Variants in ANKRD28 observed in about 807,000 individuals in gnomAD.
ANKRD28 encodes serine/threonine-protein phosphatase 6 regulatory ankyrin repeat subunit A.
Under a neutral mutation model 126.5 loss-of-function variants are expected in ANKRD28, and 44 were observed. The ratio of observed to expected loss-of-function variants is 0.35; its 90% CI spans 0.27 to 0.45. The LOEUF is 0.45. Ranked by LOEUF, ANKRD28 falls within the 20% of genes least tolerant of loss-of-function variation. The pLI, the probability that ANKRD28 is intolerant of heterozygous loss-of-function variation, is 1.00. For missense variants in ANKRD28, 1,110 were observed against 1,316.6 expected (o/e 0.84, Z 2.43); for synonymous variants, 442 against 468.5 (o/e 0.94, Z 0.73).
At chr3:15,674,412 A>T (rs542931315) in intron 27 of ANKRD28, among the ~76,000 whole-genome samples, 17 of 152,058 alleles carry the variant, frequency 1.1e-4, no homozygotes, top group Non-Finnish European at 2.1e-4. Context: ...TAAGAATGAG[A>T]ATTGTCTTCA....
At chr3:15,696,273 A>G in intron 14 of ANKRD28, 28 bp from the exon 15 acceptor site, 1 of 1,370,938 alleles carries the variant, frequency 7.3e-7, no homozygotes. Context: ...AACATACTGA[A>G]AATCCTAAAT....
intron 14 of ANKRD28, among the ~76,000 whole-genome samples, chr3:15,706,042 A>G (rs1035744211): frequency 1.0e-5 from 1 of 97,006 alleles, no homozygotes; most frequent in Non-Finnish European, 2.3e-5. Context: ...ACCCACAAAA[A>G]CAAACAAAAA....
In ANKRD28 at chr3:15,678,102, C is replaced by A. The variant is rs1355311030; in HGVS notation, c.2707+107G>T. 7.8e-6 allele frequency: 9 copies of A among 1,150,754 alleles called. No homozygotes were observed. The Admixed American group carries it at 8.4e-5, about 11-fold the overall frequency. The allele number at this position is 1,150,754 out of a possible 1,614,324, so 71.3% of individuals were successfully genotyped here. A position where few individuals can be genotyped will look rare whatever the true frequency, so the allele number is the denominator to read the frequency against. On this transcript the variant is annotated intron_variant, in intron 24 of 27. Transcript: ENST00000683139. ...TGCAAACAGGTAAAAGGTTTTAAGT[C>A]TTAGGAGTGGTAAGATAACTAGTTG...
At chr3:15,721,754 C>T (rs1464221931) in intron 7 of ANKRD28, among the ~76,000 whole-genome samples, 1 of 151,824 alleles carries the variant, frequency 6.6e-6, no homozygotes, top group Non-Finnish European at 1.5e-5. Flanking sequence ...TTTTGCTTTT[C>T]TTTTTTTTGA....
intron 14 of ANKRD28, 25 bp downstream of exon 14, chr3:15,707,899 C>G: frequency 6.3e-7 from 1 of 1,591,778 alleles, no homozygotes; most frequent in Non-Finnish European, 8.6e-7. Context: ...TATTGATCCT[C>G]CACTCTCACT....
At chr3:15,726,065 A>T (rs2125012589) in intron 6 of ANKRD28, among the ~76,000 whole-genome samples, 1 of 152,216 alleles carries the variant, frequency 6.6e-6, no homozygotes, top group African/African-American at 2.4e-5. Flanking sequence ...TAACTTAATA[A>T]ATGTTGTATA....
At chr3:15,841,036 G>A (rs1575805005) in intron 1 of ANKRD28, among the ~76,000 whole-genome samples, 1 of 152,176 alleles carries the variant, frequency 6.6e-6, no homozygotes, top group Admixed American at 6.5e-5. Context: ...AGCTACTCAG[G>A]AGGCTGAGGC....
At chr3:15,741,999 G>A (rs1186399404) in intron 4 of ANKRD28, among the ~76,000 whole-genome samples, 6 of 152,096 alleles carry the variant, frequency 3.9e-5, no homozygotes, top group Non-Finnish European at 8.8e-5. Context: ...TCGGCCTCCC[G>A]AGGTGCCGGG....
intron 8 of ANKRD28, among the ~76,000 whole-genome samples, chr3:15,717,087 G>T (rs1000233079): frequency 3.9e-5 from 6 of 152,150 alleles, no homozygotes; most frequent in Non-Finnish European, 8.8e-5. Flanking sequence ...AGGCCCCAGG[G>T]TTAAGTGATT....
intron 1 of ANKRD28, among the ~76,000 whole-genome samples, chr3:15,820,530 A>G (rs1438536141): frequency 6.6e-6 from 1 of 152,206 alleles, no homozygotes; most frequent in East Asian, 1.9e-4. Flanking sequence ...GTAGTAGAGA[A>G]AGAGACTTAG....
intron 2 of ANKRD28, among the ~76,000 whole-genome samples, chr3:15,767,769 T>C (rs913600420): frequency 1.5e-5 from 2 of 129,492 alleles, no homozygotes; most frequent in Admixed American, 8.5e-5. Context: ...GTGCCTGTAG[T>C]CCTGGCTACT....
chr3:15,757,211 TTA>T (rs2125439615), intron 3 of ANKRD28, among the ~76,000 whole-genome samples: 1 of 152,276 alleles, frequency 6.6e-6, no homozygotes, highest in African/African-American at 2.4e-5. Flanking sequence ...TGTTAACTGT[TTA>T]TGTTATTAGT....
intron 1 of ANKRD28, among the ~76,000 whole-genome samples, chr3:15,850,192 A>T (rs1224510892): frequency 4.8e-3 from 140 of 29,228 alleles, no homozygotes; most frequent in African/African-American, 0.014. Flanking sequence ...ACATGCAATA[A>T]AAAAAAAAAA....
chr3:15,708,917 G>A (rs562384657), intron 13 of ANKRD28, among the ~76,000 whole-genome samples: 1 of 152,174 alleles, frequency 6.6e-6, no homozygotes, highest in African/African-American at 2.4e-5. Flanking sequence ...ACTTTGCTAT[G>A]TATAATTCTC....
At chr3:15,750,168 T>C (rs979963032) in intron 4 of ANKRD28, among the ~76,000 whole-genome samples, 2 of 152,228 alleles carry the variant, frequency 1.3e-5, no homozygotes, top group African/African-American at 4.8e-5. Context: ...ATATAAATTG[T>C]ACCTTCTTAT....
At chr3:15,811,606 C>T (rs2060713603) in intron 1 of ANKRD28, among the ~76,000 whole-genome samples, 1 of 152,044 alleles carries the variant, frequency 6.6e-6, no homozygotes, top group South Asian at 2.1e-4. Context: ...AGGTGCACGC[C>T]ACCATGCCCA....
intron 12 of ANKRD28, 35 bp downstream of exon 12, chr3:15,711,176 C>G (rs370867920): frequency 7.1e-6 from 11 of 1,552,432 alleles, no homozygotes; most frequent in Non-Finnish European, 9.7e-6. Context: ...GACCAGCTAT[C>G]TTTTCTTAAA....
intron 2 of ANKRD28, among the ~76,000 whole-genome samples, chr3:15,770,456 C>G (rs2058944532): frequency 6.6e-6 from 1 of 151,100 alleles, no homozygotes; most frequent in Admixed American, 6.6e-5. Flanking sequence ...GTACAGAAAT[C>G]TAACTTAAAC....
At chr3:15,777,090 G>A (rs1331803020) in intron 2 of ANKRD28, among the ~76,000 whole-genome samples, 3 of 151,972 alleles carry the variant, frequency 2.0e-5, no homozygotes, top group South Asian at 2.1e-4. Context: ...CCTGGTTAAC[G>A]TGGTGAAACC....
Sources: allele counts gnomAD v4.1 joint callset (sites outside exome capture counted in the v4.1 genomes callset), GRCh38; gene constraint gnomAD v4.1.1; transcripts MANE v1.5; gene names NCBI Gene and HGNC (gene_info 2026-07-23, HGNC 2026-07-21).